GPR34: variants seen among roughly 807,000 people sequenced by gnomAD.
The protein encoded by GPR34 is probable G protein-coupled receptor 34.
A neutral mutation model predicts 14.1 loss-of-function variants in GPR34; 3 were observed. That is an observed-to-expected ratio of 0.21 (90% CI 0.10 to 0.55). GPR34 has a LOEUF of 0.55. GPR34 is among the 20% of genes least tolerant of loss of function. The pLI is 0.94. For missense variants in GPR34, 213 were observed against 292.8 expected (o/e 0.73, Z 1.99); for synonymous variants, 99 against 99.9 (o/e 0.99, Z 0.05).
chrX:41,696,125 G>A lies in GPR34; in HGVS notation c.492G>A (p.Lys164=), dbSNP rs1314825897. The A allele has an allele frequency of 6.6e-6, 8 of 1,204,814 alleles. No homozygotes were observed. Among genetic ancestry groups the A allele is most frequent in the Non-Finnish European group, 9.0e-6 (8 of 891,904 alleles). The change falls in exon 3 of 3, where the codon AAG becomes AAA. Residue 164 remains lysine, a synonymous_variant. Coordinates refer to ENST00000378142, the MANE Select transcript of GPR34 (RefSeq NM_001097579.2). The part of the protein sequence containing the change: ...IKINRSIQQR[K]AITTKQSIYV... ...TTAATCGGTCTATACAGCAACGGAA[G>A]GCAATAACAACCAAACAAAGTATTT...
At position 41,696,270 on chromosome X, in the gene GPR34, G is replaced by A. The variant is rs61734983; in HGVS notation, c.637G>A (p.Ala213Thr). ...MCFHYRDKHN[A>T]KGEAIFNFIL... is the part of the protein sequence containing the mutation. ...TTTCCATTACAGAGATAAGCATAAC[G>A]CAAAAGGAGAAGCCATTTTTAACTT... Residue 213 changes from alanine (A) to threonine (T), a missense_variant, in exon 3 of 3, where the codon GCA becomes ACA. Transcript: ENST00000378142. 3 of 1,195,358 alleles carry A rather than the reference G, an allele frequency of 2.5e-6. No individual in the cohort carries two copies. Among genetic ancestry groups the A allele is most frequent in the Non-Finnish European group, 3.4e-6 (3 of 887,931 alleles).
At chrX:41,690,184 C>T (rs1252147172) in intron 2 of GPR34, among the ~76,000 whole-genome samples, 1 of 111,157 alleles carries the variant, frequency 9.0e-6, no homozygotes, top group Non-Finnish European at 1.9e-5. Flanking sequence ...TGGTTTGTTT[C>T]TTGTCTTCAC....
Position 41,695,853 on chromosome X carries a change from A to G in GPR34, c.220A>G (p.Ile74Val). The change falls in exon 3 of 3, where the codon ATC becomes GTC. Residue 74 changes from isoleucine (I) to valine (V), a missense_variant. By Grantham distance (29) the Ile-to-Val change is conservative. Coordinates refer to ENST00000378142, the MANE Select transcript of GPR34 (RefSeq NM_001097579.2). ...CATCGTGGGACTGGTTGGGAACATA[A>G]TCGCCCTCTATGTATTTCTGGGTAT... is the stretch of plus-strand genomic sequence containing the variant. Reference protein sequence around the residue: ...IFIVGLVGNIIALYVFLGIHR... With the variant: ...IFIVGLVGNIVALYVFLGIHR... 8.3e-7 allele frequency: 1 copy of G among 1,204,595 alleles called. No homozygotes were observed. Among genetic ancestry groups the G allele is most frequent in the Non-Finnish European group, 1.1e-6 (1 of 888,960 alleles).
chrX:41,697,120 G>A lies in GPR34; in HGVS notation c.*341G>A, dbSNP rs1412196275. Reference sequence around the variant, plus strand: ...AGCACTTGATACTAATTTGAAGTGTGTTTAAAAGTAAATGATTTGGGAACT... The same window carrying A: ...AGCACTTGATACTAATTTGAAGTGTATTTAAAAGTAAATGATTTGGGAACT... On this transcript the variant is annotated 3_prime_UTR_variant, in exon 3 of 3. Transcript: ENST00000378142. 7 of 155,529 alleles carry A rather than the reference G, an allele frequency of 4.5e-5. No homozygotes were observed. 12.8% of individuals were successfully genotyped at this position (155,529 alleles called of 1,213,427 possible).
rs748736890 is a variant in GPR34 at position 41,696,606 on chromosome X, G to A, written c.973G>A (p.Val325Ile). The change falls in exon 3 of 3, where the codon GTC becomes ATC. Residue 325 changes from valine (V) to isoleucine (I), a missense_variant. Transcript: ENST00000378142. Reference protein sequence around the residue: ...LSSFNSCLDPVMYFLMSSNIR... With the variant: ...LSSFNSCLDPIMYFLMSSNIR... Reference sequence around the variant, plus strand: ...ATCTTTCAATAGTTGCTTAGATCCAGTCATGTATTTCCTGATGTCCAGTAA... The same window carrying A: ...ATCTTTCAATAGTTGCTTAGATCCAATCATGTATTTCCTGATGTCCAGTAA... 9.9e-6 allele frequency: 12 copies of A among 1,209,066 alleles called. No individual in the cohort carries two copies. The highest frequency in any genetic ancestry group is 1.1e-5 in the Non-Finnish European group (10 of 894,426).
intron 2 of GPR34, 137 bp downstream of exon 2, chrX:41,689,972 T>C (rs1421940583): frequency 1.8e-5 from 2 of 111,734 alleles, no homozygotes; most frequent in Admixed American, 9.6e-5. Flanking sequence ...CATGAGCCAG[T>C]TGAAAAAAAA....
Position 41,696,800 on chromosome X carries a change from T to C in GPR34, c.*21T>C, listed in dbSNP as rs1602484855. 2 of 1,007,798 alleles carry C rather than the reference T, an allele frequency of 2.0e-6. No homozygotes were observed. Among genetic ancestry groups the C allele is most frequent in the South Asian group, 5.1e-5 (2 of 39,133 alleles). The allele number at this position is 1,007,798 out of a possible 1,213,427, so 83.1% of individuals were successfully genotyped here. A position where few individuals can be genotyped will look rare whatever the true frequency, so the allele number is the denominator to read the frequency against. The stretch of plus-strand genomic sequence containing the variant: ...CTTGAGGTAAACATACTAAAATGAA[T>C]TATATAATGCAGCCTCTTAATTCTT... On this transcript the variant is annotated 3_prime_UTR_variant, in exon 3 of 3. Transcript: ENST00000378142.
intron 2 of GPR34, 133 bp downstream of exon 2, chrX:41,689,968 C>T (rs1381442164): frequency 2.7e-5 from 3 of 111,232 alleles, no homozygotes; most frequent in Non-Finnish European, 3.8e-5. Context: ...CCTACATGAG[C>T]CAGTTGAAAA....
At chrX:41,691,765 C>T (rs1330026489) in intron 2 of GPR34, among the ~76,000 whole-genome samples, 1 of 87,933 alleles carries the variant, frequency 1.1e-5, no homozygotes, top group African/African-American at 4.5e-5. Flanking sequence ...TGCTTGAACT[C>T]GGGAGGCGGA....
chrX:41,691,047 A>C (rs895211505), intron 2 of GPR34, among the ~76,000 whole-genome samples: 4 of 112,253 alleles, frequency 3.6e-5, no homozygotes, highest in Non-Finnish European at 7.5e-5. Context: ...ATTATAACAT[A>C]AACAAATGCA....
At chrX:41,692,238 A>T (rs1405362604) in intron 2 of GPR34, among the ~76,000 whole-genome samples, 1 of 112,388 alleles carries the variant, frequency 8.9e-6, no homozygotes, top group Non-Finnish European at 1.9e-5. Flanking sequence ...ACTGCACATT[A>T]AAATCCCCTA....
intron 2 of GPR34, among the ~76,000 whole-genome samples, chrX:41,693,422 T>G (rs895547259): frequency 9.0e-6 from 1 of 110,935 alleles, no homozygotes; most frequent in Non-Finnish European, 1.9e-5. Flanking sequence ...GAGACCAGCC[T>G]GGCCAACGTG....
intron 2 of GPR34, among the ~76,000 whole-genome samples, chrX:41,692,199 T>C (rs1276607213): frequency 1.8e-5 from 2 of 112,505 alleles, no homozygotes; most frequent in African/African-American, 6.5e-5. Context: ...GTTAATGGTT[T>C]GGCCATCTAG....
chrX:41,690,752 C>T (rs981541390), intron 2 of GPR34, among the ~76,000 whole-genome samples: 9 of 107,504 alleles, frequency 8.4e-5, no homozygotes, highest in African/African-American at 3.1e-4. Context: ...AGGATCACTG[C>T]AACCTCTGCT....
rs61746390 is a variant in GPR34, at chrX:41,696,517, A to G, written c.884A>G (p.Asn295Ser). Reference protein sequence around the residue: ...FRFIYISSQLNVSSCYWKEIV... With the variant: ...FRFIYISSQLSVSSCYWKEIV... ...TTCATCTACATTTCTTCACAGCTAA[A>G]TGTATCATCTTGCTACTGGAAAGAA... Residue 295 changes from asparagine (N) to serine (S), a missense_variant, in exon 3 of 3, where the codon AAT (asparagine) becomes AGT (serine). Asn to Ser is a conservative substitution (Grantham distance 46). Coordinates refer to ENST00000378142, the MANE Select transcript of GPR34 (RefSeq NM_001097579.2). 4,156 of 1,207,802 alleles carry G rather than the reference A, an allele frequency of 3.4e-3. 88 individuals carry two copies. In the African/African-American group the frequency reaches 0.061, roughly 18 times the overall value.
At chrX:41,691,376 T>C (rs2067554506) in intron 2 of GPR34, among the ~76,000 whole-genome samples, 1 of 112,312 alleles carries the variant, frequency 8.9e-6, no homozygotes, top group Non-Finnish European at 1.9e-5. Context: ...GAAGTAAAGC[T>C]AGATGGCATA....
chrX:41,692,106 G>A (rs961808385), intron 2 of GPR34, among the ~76,000 whole-genome samples: 1 of 111,470 alleles, frequency 9.0e-6, no homozygotes, highest in Non-Finnish European at 1.9e-5. Context: ...ACCTCACAGA[G>A]TATTGCAAGA....
In GPR34 at chrX:41,690,293, G is replaced by GA. The variant is rs781742699; in HGVS notation, c.-80+467dup. Among the ~76,000 whole-genome samples the GA allele has an allele frequency of 1.8e-3, 192 of 104,896 alleles. 1 individual carries two copies. Among genetic ancestry groups the GA allele is most frequent in the African/African-American group, 5.9e-3 (168 of 28,693 alleles). The allele number at this position is 104,896 out of a possible 115,157, so 91.1% of individuals were successfully genotyped here. ...TAATGTACTAACCAACTTCAAAGGA[G>GA]AAAAAAAAACAGTCACCAAGTTTAA... On this transcript the variant is annotated intron_variant, in intron 2 of 2. Transcript: ENST00000378142.
At position 41,696,310 on chromosome X, in the gene GPR34, T is replaced by C; in HGVS notation, c.677T>C (p.Met226Thr). The C allele has an allele frequency of 8.5e-7, 1 of 1,177,441 alleles. No homozygotes were observed. Among genetic ancestry groups the C allele is most frequent in the Non-Finnish European group, 1.1e-6 (1 of 877,144 alleles). The change falls in exon 3 of 3, where the codon ATG (methionine) becomes ACG (threonine). Residue 226 changes from methionine to threonine, a missense_variant. By Grantham distance (81) the Met-to-Thr change is moderately conservative. Coordinates refer to ENST00000378142, the MANE Select transcript of GPR34 (RefSeq NM_001097579.2). The stretch of plus-strand genomic sequence containing the variant: ...ATTTTTAACTTCATTCTTGTGGTAA[T>C]GTTCTGGCTAATTTTCTTACTAATA... ...EAIFNFILVV[M>T]FWLIFLLIIL...
Sources: allele counts gnomAD v4.1 joint callset (sites outside exome capture counted in the v4.1 genomes callset), GRCh38; gene constraint gnomAD v4.1.1; transcripts MANE v1.5; gene names NCBI Gene and HGNC (gene_info 2026-07-23, HGNC 2026-07-21).